Variants in KCNT2 observed in about 807,000 individuals in gnomAD.
The protein encoded by KCNT2 is potassium sodium-activated channel subfamily T member 2.
Under a neutral mutation model 153.8 loss-of-function variants are expected in KCNT2, and 67 were observed. The ratio of observed to expected loss-of-function variants is 0.44; its 90% CI spans 0.36 to 0.53. The LOEUF is 0.53. Ranked by LOEUF, KCNT2 falls within the 20% of genes least tolerant of loss-of-function variation. The pLI is 0.00. For missense variants in KCNT2, 975 were observed against 1,354.8 expected, an observed-to-expected ratio of 0.72 and a Z score of 4.40; for synonymous variants, 500 against 458.8, an observed-to-expected ratio of 1.09 and a Z score of -1.15.
intron 22 of KCNT2, among the ~76,000 whole-genome samples, chr1:196,294,088 C>T (rs960861060): frequency 6.6e-6 from 1 of 151,986 alleles, no homozygotes. Flanking sequence ...CCGGCCAACA[C>T]GTATAGGAAA....
intron 5 of KCNT2, among the ~76,000 whole-genome samples, chr1:196,473,466 G>A (rs921851595): frequency 3.9e-5 from 6 of 152,112 alleles, no homozygotes; most frequent in East Asian, 3.9e-4. Context: ...GGTACATTAC[G>A]TCAACCATGG....
At chr1:196,231,667 G>A (rs1293681784) in intron 27 of KCNT2, among the ~76,000 whole-genome samples, 3 of 151,732 alleles carry the variant, frequency 2.0e-5, no homozygotes, top group Non-Finnish European at 4.4e-5. Flanking sequence ...TGTTGTCAAT[G>A]GAGACCACAG....
At chr1:196,353,646 A>G (rs574040471) in intron 14 of KCNT2, among the ~76,000 whole-genome samples, 12 of 152,108 alleles carry the variant, frequency 7.9e-5, no homozygotes, top group African/African-American at 2.4e-4. Flanking sequence ...TCACTTAACA[A>G]TGATTGCATT....
chr1:196,441,773 G>A (rs1304272823), intron 8 of KCNT2, among the ~76,000 whole-genome samples: 2 of 151,794 alleles, frequency 1.3e-5, no homozygotes, highest in Admixed American at 6.6e-5. Context: ...TAGTAGGAAA[G>A]ATGGAGCTTT....
intron 1 of KCNT2, among the ~76,000 whole-genome samples, chr1:196,569,859 C>T (rs1469593184): frequency 6.6e-6 from 1 of 151,920 alleles, no homozygotes; most frequent in African/African-American, 2.4e-5. Flanking sequence ...ACATATGCTG[C>T]TAGAAATTTC....
chr1:196,378,949 TC>T (rs1195196395), intron 13 of KCNT2, among the ~76,000 whole-genome samples: 1 of 150,848 alleles, frequency 6.6e-6, no homozygotes, highest in Non-Finnish European at 1.5e-5. Flanking sequence ...ACGCTCTTAT[TC>T]CCCCCACCCC....
intron 1 of KCNT2, among the ~76,000 whole-genome samples, chr1:196,505,225 G>A (rs1395556164): frequency 3.3e-5 from 5 of 152,010 alleles, no homozygotes; most frequent in South Asian, 4.1e-4. Flanking sequence ...TAGGTCTAAC[G>A]TTTAAGTCTT....
intron 8 of KCNT2, among the ~76,000 whole-genome samples, chr1:196,442,723 G>T (rs1310862409): frequency 1.3e-5 from 2 of 151,534 alleles, no homozygotes; most frequent in Non-Finnish European, 3.0e-5. Flanking sequence ...CTGAAGCAGA[G>T]AAAAAATAAA....
At chr1:196,476,233 G>A (rs370056378) in intron 5 of KCNT2, among the ~76,000 whole-genome samples, 3 of 152,020 alleles carry the variant, frequency 2.0e-5, no homozygotes. Flanking sequence ...CTAGTGGAAG[G>A]GATAGGATTA....
intron 1 of KCNT2, among the ~76,000 whole-genome samples, chr1:196,528,230 G>T (rs957591175): frequency 6.6e-5 from 10 of 152,288 alleles, no homozygotes; most frequent in Admixed American, 5.2e-4. Flanking sequence ...GCATTCTCAA[G>T]AAAGTTAGAA....
chr1:196,313,513 C>T (rs1413268633), intron 21 of KCNT2, among the ~76,000 whole-genome samples: 1 of 151,514 alleles, frequency 6.6e-6, no homozygotes, highest in African/African-American at 2.4e-5. Flanking sequence ...TAATTAACCA[C>T]ATCTGTAAAA....
rs1227959527 is a variant in KCNT2, at chr1:196,281,760, A to AT, written c.2781+512dup. Among the ~76,000 whole-genome samples, 411 of 141,696 alleles carry AT rather than the reference A, an allele frequency of 2.9e-3. 1 individual carries two copies. The highest frequency in any genetic ancestry group is 3.8e-3 in the African/African-American group (147 of 38,914). The allele number at this position is 141,696 out of a possible 152,430, so 93.0% of individuals were successfully genotyped here. A position where few individuals can be genotyped will look rare whatever the true frequency, so the allele number is the denominator to read the frequency against. The stretch of plus-strand genomic sequence containing the variant: ...GTTAACAAAAAAAAATTCATTCAAC[A>AT]TTTTTTTTTTTTTTGAGATGGAGTC... On this transcript the variant is annotated intron_variant, in intron 24 of 27. Coordinates refer to ENST00000294725, the MANE Select transcript of KCNT2 (RefSeq NM_198503.5).
intron 11 of KCNT2, among the ~76,000 whole-genome samples, chr1:196,423,346 A>T (rs1019728419): frequency 6.6e-6 from 1 of 151,904 alleles, no homozygotes; most frequent in Non-Finnish European, 1.5e-5. Context: ...TTATGACAAA[A>T]GTTAATAAAA....
chr1:196,258,868 G>GGAC (rs1656751593), intron 25 of KCNT2, among the ~76,000 whole-genome samples: 1 of 151,918 alleles, frequency 6.6e-6, no homozygotes, highest in Non-Finnish European at 1.5e-5. Context: ...TCCATGTAAT[G>GGAC]GACTTTTCTA....
At chr1:196,574,379 A>G (rs539129553) in intron 1 of KCNT2, among the ~76,000 whole-genome samples, 1 of 151,834 alleles carries the variant, frequency 6.6e-6, no homozygotes, top group Admixed American at 6.6e-5. Flanking sequence ...CCTACAAGAG[A>G]GTGAAAGAGA....
At chr1:196,458,166 G>C (rs1030787239) in intron 8 of KCNT2, among the ~76,000 whole-genome samples, 4 of 150,984 alleles carry the variant, frequency 2.6e-5, no homozygotes, top group Admixed American at 2.6e-4. Context: ...TTCCTGAATG[G>C]GTGACTGCTT....
intron 13 of KCNT2, among the ~76,000 whole-genome samples, chr1:196,379,514 G>T (rs1669278485): frequency 6.6e-6 from 1 of 151,636 alleles, no homozygotes; most frequent in Admixed American, 6.6e-5. Flanking sequence ...AGTGGCTGCA[G>T]TGAGCCAAGA....
chr1:196,300,214 T>G (rs1049767973), intron 22 of KCNT2, among the ~76,000 whole-genome samples: 5 of 152,170 alleles, frequency 3.3e-5, no homozygotes, highest in African/African-American at 1.2e-4. Context: ...CAGAAGACAG[T>G]GGAAAAGGGA....
chr1:196,462,136 C>T (rs772916922), intron 8 of KCNT2, among the ~76,000 whole-genome samples: 4 of 151,364 alleles, frequency 2.6e-5, no homozygotes, highest in Non-Finnish European at 4.4e-5. Context: ...TCTCAATAGT[C>T]CAAAAAATAG....
Sources: allele counts gnomAD v4.1 joint callset (sites outside exome capture counted in the v4.1 genomes callset), GRCh38; gene constraint gnomAD v4.1.1; transcripts MANE v1.5; gene names NCBI Gene and HGNC (gene_info 2026-07-23, HGNC 2026-07-21).